TUBGCP2: variants seen among roughly 807,000 people sequenced by gnomAD.
The protein encoded by TUBGCP2 is gamma-tubulin complex component 2.
A neutral mutation model predicts 92.2 loss-of-function variants in TUBGCP2; 55 were observed. That is an observed-to-expected ratio of 0.60 (90% CI 0.48 to 0.75). TUBGCP2 has a LOEUF of 0.75. TUBGCP2 is among the 30% of genes least tolerant of loss of function. The pLI, the probability that TUBGCP2 is intolerant of heterozygous loss-of-function variation, is 0.00. For synonymous variants in TUBGCP2, 533 were observed against 505.2 expected (o/e 1.06, Z -0.74); for missense variants, 1,093 against 1,188.9 (o/e 0.92, Z 1.19).
chr10:133,302,331 C>T (rs1456937760), intron 2 of TUBGCP2: 11 of 221,392 alleles, frequency 5.0e-5, no homozygotes, highest in Admixed American at 4.2e-4. Context: ...CTGCACCATC[C>T]TGACCCCGGG....
chr10:133,309,334 C>T (rs1847928912), upstream of TUBGCP2: 8 of 1,575,012 alleles, frequency 5.1e-6, no homozygotes, highest in African/African-American at 1.4e-5. Context: ...CGAGGCCTGA[C>T]GCGGTGGGCG....
At chr10:133,296,147 G>C (rs1380544025) in intron 5 of TUBGCP2, among the ~76,000 whole-genome samples, 1 of 152,234 alleles carries the variant, frequency 6.6e-6, no homozygotes, top group African/African-American at 2.4e-5. Flanking sequence ...GCCACGCTCA[G>C]AGCTGCCCAC....
chr10:133,283,358 G>C (rs1020572824), intron 14 of TUBGCP2, 137 bp from the exon 15 acceptor site: 4 of 1,273,634 alleles, frequency 3.1e-6, no homozygotes, highest in Non-Finnish European at 4.3e-6. Context: ...GGGCTTTTAG[G>C]GGAAAACTTC....
intron 5 of TUBGCP2, among the ~76,000 whole-genome samples, chr10:133,294,388 G>A (rs934856949): frequency 6.6e-6 from 1 of 152,166 alleles, no homozygotes; most frequent in Non-Finnish European, 1.5e-5. Context: ...CCCCACGAGG[G>A]CCTGACAGGG....
chr10:133,311,621 G>A (rs2136154663), upstream of TUBGCP2: 2 of 1,098,260 alleles, frequency 1.8e-6, no homozygotes. Flanking sequence ...GCTACTTACA[G>A]GGAAATCCAG....
rs1847122355 is a variant in TUBGCP2, at chr10:133,285,796, A to G, written c.1723-168T>C. On this transcript the variant is annotated intron_variant, in intron 11 of 17. Coordinates refer to ENST00000252936, the MANE Select transcript of TUBGCP2 (RefSeq NM_006659.4). The surrounding 1 kb of genome is among the most constrained non-coding windows in gnomAD (Gnocchi z 6.8). The stretch of plus-strand genomic sequence containing the variant: ...AAACCCAAACATCTACTGATAAATC[A>G]AATTCAAAACTGAACCACTTCCCAT... Among the ~76,000 whole-genome samples, 1 of 152,184 alleles carries G rather than the reference A, an allele frequency of 6.6e-6. No homozygotes were observed. Among genetic ancestry groups the G allele is most frequent in the African/African-American group, 2.4e-5 (1 of 41,444 alleles).
chr10:133,288,786 G>C (rs1847199307), intron 10 of TUBGCP2, 54 bp downstream of exon 10: 1 of 1,516,634 alleles, frequency 6.6e-7, no homozygotes. Flanking sequence ...CGTCCCACAG[G>C]TTCCGGTTTC....
chr10:133,301,700 C>CTTTTTTTTTTTTTTT (rs71016439), intron 2 of TUBGCP2: 4 of 87,254 alleles, frequency 4.6e-5, no homozygotes, highest in East Asian at 3.2e-4. Context: ...CAGTCCCTCC[C>CTTTTTTTTTTTTTTT]TTTTTTTTTT....
chr10:133,288,009 G>A, intron 11 of TUBGCP2, 120 bp downstream of exon 11: 1 of 1,328,150 alleles, frequency 7.5e-7, no homozygotes, highest in Non-Finnish European at 9.9e-7. Flanking sequence ...GAAGGAAACA[G>A]ACCCTGCGGT....
At chr10:133,300,235 T>C (rs1847609778) in intron 2 of TUBGCP2, 122 bp from the exon 3 acceptor site, 2 of 1,187,876 alleles carry the variant, frequency 1.7e-6, no homozygotes, top group South Asian at 3.1e-5. Context: ...TAAATAATTA[T>C]CCCTCTGAAA....
rs546660963 is a variant in TUBGCP2, at chr10:133,282,811, A to G, written c.2289+267T>C. Among the ~76,000 whole-genome samples the G allele has an allele frequency of 4.6e-5, 7 of 152,318 alleles. No homozygotes were observed. In the South Asian group the frequency reaches 1.2e-3, roughly 27 times the overall value. On this transcript the variant is annotated intron_variant, in intron 15 of 17. Coordinates refer to ENST00000252936, the MANE Select transcript of TUBGCP2 (RefSeq NM_006659.4). The stretch of plus-strand genomic sequence containing the variant: ...AGGAAAAGAGCATGCAAGGGCCATA[A>G]GCAAAGGCCCCGGACAGAGACCAGC...
upstream of TUBGCP2, chr10:133,309,720 T>C: frequency 1.3e-6 from 2 of 1,595,410 alleles, no homozygotes; most frequent in Non-Finnish European, 1.7e-6. Flanking sequence ...GTGCAGAAAG[T>C]CCAGCTTGGT....
At chr10:133,297,306 G>A (rs929114251) in intron 5 of TUBGCP2, 10 of 362,088 alleles carry the variant, frequency 2.8e-5, no homozygotes, top group Admixed American at 7.6e-5. Flanking sequence ...GCTGAGGCAG[G>A]AGAATCGCTT....
chr10:133,287,113 G>A (rs939190079), intron 11 of TUBGCP2, among the ~76,000 whole-genome samples: 2 of 152,154 alleles, frequency 1.3e-5, no homozygotes, highest in African/African-American at 2.4e-5. Context: ...GAAAAAGAAG[G>A]GATATAACTA....
In TUBGCP2 at chr10:133,281,338, G is replaced by A. The variant is rs1846970423; in HGVS notation, c.2508C>T (p.Leu836=). 1.2e-6 allele frequency: 2 copies of A among 1,613,566 alleles called. No individual in the cohort carries two copies. The highest frequency in any genetic ancestry group is 2.7e-5 in the African/African-American group (2 of 74,934). Residue 836 remains leucine (L), a synonymous_variant, in exon 17 of 18, where the codon CTC becomes CTT. Transcript: ENST00000252936. The part of the protein sequence containing the change: ...DKNFSAHLLD[L]LARLSIYSTS... Reference sequence around the variant, plus strand: ...TGCTATAGATGCTCAGCCGGGCCAGGAGGTCCAGCAGGTGGGCTGAGAAGT... The same window carrying A: ...TGCTATAGATGCTCAGCCGGGCCAGAAGGTCCAGCAGGTGGGCTGAGAAGT...
chr10:133,292,175 A>C (rs573281768), intron 8 of TUBGCP2, among the ~76,000 whole-genome samples: 28 of 1,290 alleles, frequency 0.022, 3 homozygotes, highest in African/African-American at 0.038. Flanking sequence ...CAGCATGCAC[A>C]CTCCGTGTCC....
At chr10:133,289,337 CATTATGAGA>C (rs1476235779) in intron 9 of TUBGCP2, among the ~76,000 whole-genome samples, 2 of 152,220 alleles carry the variant, frequency 1.3e-5, no homozygotes, top group Non-Finnish European at 2.9e-5. Flanking sequence ...TTCGAACAGG[CATTATGAGA>C]ACCGGATGGC....
chr10:133,304,856 G>A (rs1460175820), intron 1 of TUBGCP2, among the ~76,000 whole-genome samples: 1 of 152,212 alleles, frequency 6.6e-6, no homozygotes, highest in Non-Finnish European at 1.5e-5. Flanking sequence ...CAGAAGACAA[G>A]AATGTGAGCC....
Position 133,302,914 on chromosome 10 carries a change from C to G in TUBGCP2, c.28G>C (p.Val10Leu). Reference protein sequence around the residue: MSEFRIHHDVNELLSLLRVH... With the variant: MSEFRIHHDLNELLSLLRVH... ...CGCAGCAGGCTAAGCAGTTCATTGA[C>G]GTCATGGTGAATCCGAAATTCACTC... The change falls in exon 2 of 18, where the codon GTC becomes CTC. Residue 10 changes from valine to leucine, a missense_variant. This residue lies in a region of TUBGCP2 where 490 missense variants were observed against 488.5 expected (regional missense o/e 1.00). Coordinates refer to ENST00000252936, the MANE Select transcript of TUBGCP2 (RefSeq NM_006659.4). The G allele has an allele frequency of 6.2e-7, 1 of 1,614,056 alleles. No individual in the cohort carries two copies.
Sources: allele counts gnomAD v4.1 joint callset (sites outside exome capture counted in the v4.1 genomes callset), GRCh38; gene constraint gnomAD v4.1.1; regional missense constraint gnomAD v4.1.1; non-coding constraint Gnocchi (gnomAD v3.1); transcripts MANE v1.5; gene names NCBI Gene and HGNC (gene_info 2026-07-23, HGNC 2026-07-21).